Variants in GRIN3B observed in about 807,000 individuals in gnomAD.
GRIN3B encodes glutamate ionotropic receptor NMDA type subunit 3B.
In GRIN3B, 77 loss-of-function variants were observed where a neutral mutation model predicts 66.0. The ratio of observed to expected loss-of-function variants is 1.17; its 90% CI spans 0.97 to 1.41. The LOEUF (loss-of-function observed/expected upper bound fraction) is 1.41. Ranked by LOEUF, GRIN3B falls within the 40% of genes most tolerant of loss-of-function variation. The pLI is 0.00. For synonymous variants in GRIN3B, 823 were observed against 749.7 expected (o/e 1.10, Z -1.60); for missense variants, 1,787 against 1,564.5 (o/e 1.14, Z -2.40).
chr19:1,005,225 G>A lies in GRIN3B; in HGVS notation c.1724G>A (p.Trp575Ter), dbSNP rs112116006. 2.0e-3 allele frequency: 3,185 copies of A among 1,613,460 alleles called. 105 individuals carry two copies. The Admixed American group carries it at 0.051, about 26-fold the overall frequency. ...GGTGCCTTTATGTGGCCCCTGCACT[G>A]GTCCACGTGGCTGGGCGTCTTTGCG... ...PIGAFMWPLH[W>*]STWLGVFAAL... is the part of the protein sequence containing the mutation. The change falls in exon 3 of 9, where the codon TGG becomes TAG. Residue 575 changes from tryptophan to a stop codon, truncating the protein, a stop_gained. Transcript: ENST00000234389. LOFTEE classifies it high-confidence loss of function. This position sits in a 1 kb window ranked among gnomAD's most constrained non-coding sequence, Gnocchi z 5.2.
At position 1,008,841 on chromosome 19, in the gene GRIN3B, C is replaced by T; in HGVS notation, c.2632-16C>T. On this transcript the variant is annotated splice_polypyrimidine_tract_variant and intron_variant, in intron 7 of 8. Coordinates refer to ENST00000234389, the MANE Select transcript of GRIN3B (RefSeq NM_138690.3). ...CCCCCCGCCTCCTCGCCAACCGGGT[C>T]TGTCTGGGGTCTTAGAAAATCCACC... 1.2e-6 allele frequency: 2 copies of T among 1,600,408 alleles called. No individual in the cohort carries two copies. The highest frequency in any genetic ancestry group is 4.5e-5 in the East Asian group (2 of 44,076).
intron 3 of GRIN3B, among the ~76,000 whole-genome samples, chr19:1,006,709 A>G (rs556529329): frequency 3.4e-4 from 52 of 152,250 alleles, no homozygotes; most frequent in African/African-American, 1.2e-3. Context: ...CCTGCTCCCC[A>G]GCCCCTGGTG....
chr19:1,005,137 A>C lies in GRIN3B; in HGVS notation c.1636A>C (p.Ser546Arg). 1 of 1,613,340 alleles carries C rather than the reference A, an allele frequency of 6.2e-7. No homozygotes were observed. Among genetic ancestry groups the C allele is most frequent in the South Asian group, 1.1e-5 (1 of 91,076 alleles). Residue 546 changes from serine to arginine, a missense_variant, in exon 3 of 9, where the codon AGC becomes CGC. Coordinates refer to ENST00000234389, the MANE Select transcript of GRIN3B (RefSeq NM_138690.3). This position sits in a 1 kb window ranked among gnomAD's most constrained non-coding sequence, Gnocchi z 5.2. Reference sequence around the variant, plus strand: ...CCGCTCACAGGTGGTGGACTTCACCAGCCCCTTCTTCTCCACCAGCCTGGG... The same window carrying C: ...CCGCTCACAGGTGGTGGACTTCACCCGCCCCTTCTTCTCCACCAGCCTGGG... ...SARSQVVDFTSPFFSTSLGIM... is the reference protein window; with the variant it reads ...SARSQVVDFTRPFFSTSLGIM...
chr19:1,003,858 G>A (rs4806904), intron 2 of GRIN3B, 136 bp downstream of exon 2: 199,791 of 631,064 alleles, frequency 0.32, 33,657 homozygotes, highest in Middle Eastern at 0.34. Context: ...AGGCCGAGGC[G>A]AGCGGATCAC....
Position 1,004,598 on chromosome 19 carries a change from G to A in GRIN3B, c.1097G>A (p.Arg366Gln), listed in dbSNP as rs770093108. The A allele has an allele frequency of 1.1e-5, 17 of 1,607,666 alleles. No individual in the cohort carries two copies. The highest frequency in any genetic ancestry group is 1.2e-5 in the Non-Finnish European group (14 of 1,177,964). ...GGCAGCTCCCAGGTACACATGTCTC[G>A]GCACTTTAAGGTGTGGAGCCTTCGC... ...VTGSSQVHMS[R>Q]HFKVWSLRRD... is the part of the protein sequence containing the mutation. Residue 366 changes from arginine to glutamine, a missense_variant, in exon 3 of 9, where the codon CGG becomes CAG. Coordinates refer to ENST00000234389, the MANE Select transcript of GRIN3B (RefSeq NM_138690.3).
chr19:1,007,711 C>T lies in GRIN3B; in HGVS notation c.2136C>T (p.Asp712=), dbSNP rs1299051488. ...AEAYIKKSFP[D]MHAHMRRHSA... is the part of the protein sequence containing the mutation. Reference sequence around the variant, plus strand: ...CGTACATCAAGAAGAGCTTCCCCGACATGCACGCACACATGCGGCGCCACA... The same window carrying T: ...CGTACATCAAGAAGAGCTTCCCCGATATGCACGCACACATGCGGCGCCACA... The change falls in exon 4 of 9, where the codon GAC becomes GAT. Residue 712 remains aspartate (D), a synonymous_variant. Coordinates refer to ENST00000234389, the MANE Select transcript of GRIN3B (RefSeq NM_138690.3). The surrounding 1 kb of genome is among the most constrained non-coding windows in gnomAD (Gnocchi z 4.4). The T allele has an allele frequency of 5.2e-6, 8 of 1,535,246 alleles. No homozygotes were observed. In the East Asian group the frequency reaches 1.5e-4, roughly 29 times the overall value.
Position 1,008,256 on chromosome 19 carries a change from G to C in GRIN3B, c.2431G>C (p.Val811Leu), listed in dbSNP as rs1454175675. 6.2e-7 allele frequency: 1 copy of C among 1,611,516 alleles called. No individual in the cohort carries two copies. Among genetic ancestry groups the C allele is most frequent in the Non-Finnish European group, 8.5e-7 (1 of 1,179,532 alleles). ...DLLHDKWYKM[V>L]PCGKRVFAVT... ...GCTCCACGACAAGTGGTACAAGATGGTGCCTTGCGGCAAGCGGGTCTTTGC... is the reference window on the plus strand; with the variant it reads ...GCTCCACGACAAGTGGTACAAGATGCTGCCTTGCGGCAAGCGGGTCTTTGC... The change falls in exon 6 of 9, where the codon GTG (valine) becomes CTG (leucine). Residue 811 changes from valine (V) to leucine (L), a missense_variant. Coordinates refer to ENST00000234389, the MANE Select transcript of GRIN3B (RefSeq NM_138690.3).
In GRIN3B at chr19:1,008,277, T is replaced by C. The variant is rs753524667; in HGVS notation, c.2452T>C (p.Phe818Leu). ...YKMVPCGKRV[F>L]AVTETLQMSI... ...GATGGTGCCTTGCGGCAAGCGGGTC[T>C]TTGCGGTTACAGAGGTGGGGCAGGG... Residue 818 changes from phenylalanine (F) to leucine (L), a missense_variant, in exon 6 of 9, where the codon TTT becomes CTT. Physicochemically the swap from Phe to Leu is conservative, Grantham distance 22 (BLOSUM62 0). Coordinates refer to ENST00000234389, the MANE Select transcript of GRIN3B (RefSeq NM_138690.3). The C allele has an allele frequency of 8.3e-6, 13 of 1,568,856 alleles. No individual in the cohort carries two copies. The highest frequency in any genetic ancestry group is 1.7e-5 in the Admixed American group (1 of 58,340).
chr19:1,001,312 T>A (rs886820598), intron 1 of GRIN3B, among the ~76,000 whole-genome samples: 3 of 151,748 alleles, frequency 2.0e-5, no homozygotes, highest in African/African-American at 7.3e-5. Flanking sequence ...ACTCTAGGGG[T>A]GCAGTTTCGG....
intron 1 of GRIN3B, among the ~76,000 whole-genome samples, chr19:1,001,727 G>A (rs1445342246): frequency 6.6e-6 from 1 of 152,006 alleles, no homozygotes; most frequent in East Asian, 1.9e-4. Context: ...CCTGACGCTA[G>A]AGGGGGGGTC....
chr19:1,008,126 C>T lies in GRIN3B; in HGVS notation c.2315-14C>T, dbSNP rs758385452. 3 of 1,581,324 alleles carry T rather than the reference C, an allele frequency of 1.9e-6. No individual in the cohort carries two copies. Among genetic ancestry groups the T allele is most frequent in the Non-Finnish European group, 2.6e-6 (3 of 1,163,624 alleles). ...TGTCCCACCTGGCCCCACCGCCTGG[C>T]CCCGCGCCCCCAGGCTATGGGATCG... is the stretch of plus-strand genomic sequence containing the variant. On this transcript the variant is annotated splice_polypyrimidine_tract_variant and intron_variant, in intron 5 of 8. Coordinates refer to ENST00000234389, the MANE Select transcript of GRIN3B (RefSeq NM_138690.3).
intron 3 of GRIN3B, among the ~76,000 whole-genome samples, chr19:1,006,847 C>T (rs368240856): frequency 1.4e-4 from 21 of 152,238 alleles, no homozygotes; most frequent in Non-Finnish European, 2.1e-4. Flanking sequence ...CGGAAACTTC[C>T]ATCAGATGCT....
chr19:1,002,904 C>G, intron 1 of GRIN3B: 1 of 424,120 alleles, frequency 2.4e-6, no homozygotes, highest in Non-Finnish European at 4.1e-6. Context: ...CCAAGTGTGC[C>G]CATGACAAGG....
Position 1,007,868 on chromosome 19 carries a change from C to CA in GRIN3B, c.2213dup (p.Leu739AlafsTer33). 6.2e-7 allele frequency: 1 copy of CA among 1,611,030 alleles called. No homozygotes were observed. The highest frequency in any genetic ancestry group is 8.5e-7 in the Non-Finnish European group (1 of 1,178,926). ...CCGGCCCCAGCAGGAGCGACCCCCC[C>CA]AAGCTCAACGCCTTCATCATGGACA... is the stretch of plus-strand genomic sequence containing the variant. On this transcript the variant is annotated frameshift_variant, in exon 5 of 9. Transcript: ENST00000234389. LOFTEE classifies it high-confidence loss of function. This position sits in a 1 kb window ranked among gnomAD's most constrained non-coding sequence, Gnocchi z 4.4.
chr19:1,000,992 G>A, intron 1 of GRIN3B, 129 bp downstream of exon 1: 1 of 1,078,988 alleles, frequency 9.3e-7, no homozygotes, highest in South Asian at 2.4e-5. Context: ...CGGGACGCTG[G>A]ACGGGCCCCA....
rs781361860 is a variant in GRIN3B at position 1,005,150 on chromosome 19, C to T, written c.1649C>T (p.Ser550Phe). ...QVVDFTSPFFSTSLGIMVRAR... is the reference protein window; with the variant it reads ...QVVDFTSPFFFTSLGIMVRAR... ...GTGGACTTCACCAGCCCCTTCTTCT[C>T]CACCAGCCTGGGCATCATGGTGCGG... The change falls in exon 3 of 9, where the codon TCC becomes TTC. Residue 550 changes from serine to phenylalanine, a missense_variant. Physicochemically the swap from Ser to Phe is radical, Grantham distance 155 (BLOSUM62 -2). Coordinates refer to ENST00000234389, the MANE Select transcript of GRIN3B (RefSeq NM_138690.3). This position sits in a 1 kb window ranked among gnomAD's most constrained non-coding sequence, Gnocchi z 5.2. The T allele has an allele frequency of 3.1e-6, 5 of 1,613,444 alleles. No individual in the cohort carries two copies. The South Asian group carries it at 5.5e-5, about 18-fold the overall frequency.
At position 1,007,696 on chromosome 19, in the gene GRIN3B, G is replaced by C; in HGVS notation, c.2121G>C (p.Lys707Asn). ...AGAGCAGCGCCGAGGCGTACATCAA[G>C]AAGAGCTTCCCCGACATGCACGCAC... is the stretch of plus-strand genomic sequence containing the variant. ...VWESSAEAYI[K>N]KSFPDMHAHM... The change falls in exon 4 of 9, where the codon AAG becomes AAC. Residue 707 changes from lysine to asparagine, a missense_variant. Transcript: ENST00000234389. This position sits in a 1 kb window ranked among gnomAD's most constrained non-coding sequence, Gnocchi z 4.4. 11 of 1,537,634 alleles carry C rather than the reference G, an allele frequency of 7.2e-6. No individual in the cohort carries two copies. Among genetic ancestry groups the C allele is most frequent in the Non-Finnish European group, 9.6e-6 (11 of 1,143,132 alleles).
chr19:1,001,924 C>T (rs2285903), intron 1 of GRIN3B: 12,119 of 152,298 alleles, frequency 0.08, 641 homozygotes, highest in Middle Eastern at 0.13. Flanking sequence ...CCCCTGGGGA[C>T]TGAGCCCCAT....
rs1182407511 is a variant in GRIN3B, at chr19:1,003,380, T to TG, written c.683dup (p.Glu229Ter). Reference sequence around the variant, plus strand: ...CGCCTGGCCCCGATGGCGGCGCCAGTGGGGGGTGAAGCACCGGTACCCGCG... The same window carrying TG: ...CGCCTGGCCCCGATGGCGGCGCCAGTGGGGGGGTGAAGCACCGGTACCCGCG... On this transcript the variant is annotated frameshift_variant, in exon 2 of 9. Transcript: ENST00000234389. LOFTEE classifies it high-confidence loss of function. 7 of 1,567,874 alleles carry TG rather than the reference T, an allele frequency of 4.5e-6. No individual in the cohort carries two copies. The highest frequency in any genetic ancestry group is 3.7e-5 in the Admixed American group (2 of 53,672).
Sources: allele counts gnomAD v4.1 joint callset (sites outside exome capture counted in the v4.1 genomes callset), GRCh38; gene constraint gnomAD v4.1.1; non-coding constraint Gnocchi (gnomAD v3.1); transcripts MANE v1.5; gene names NCBI Gene and HGNC (gene_info 2026-07-23, HGNC 2026-07-21).